Variants in NPHP3 observed in about 807,000 individuals in gnomAD.
NPHP3 encodes the protein nephrocystin 3, also known as nephrocystin-3.
A neutral mutation model predicts 171.9 loss-of-function variants in NPHP3; 123 were observed. The ratio of observed to expected loss-of-function variants is 0.72; its 90% CI spans 0.62 to 0.83. The LOEUF (loss-of-function observed/expected upper bound fraction) is 0.83, where lower values mean the gene tolerates loss of function less well. Among genes scored for constraint, NPHP3 ranks in the 40% least tolerant of loss-of-function variants. NPHP3 has a pLI of 0.00. For missense variants in NPHP3, 1,506 were observed against 1,591.9 expected (o/e 0.95, Z 0.92); for synonymous variants, 558 against 579.2 (o/e 0.96, Z 0.52).
rs1940244836 is a variant in NPHP3 at position 132,722,068 on chromosome 3, C to T, written c.288G>A (p.Lys96=). ...TGCTGACGCGAAAGATCTCGTACTC[C>T]TTCCTGAGCCGCTCGTACTCGGCCG... ...YAAAEYERLR[K]EYEIFRVSKN... Residue 96 remains lysine (K), a synonymous_variant, in exon 1 of 27, where the codon AAG becomes AAA. Coordinates refer to ENST00000337331, the MANE Select transcript of NPHP3 (RefSeq NM_153240.5). 6.2e-7 allele frequency: 1 copy of T among 1,612,364 alleles called. No individual in the cohort carries two copies. Among genetic ancestry groups the T allele is most frequent in the Non-Finnish European group, 8.5e-7 (1 of 1,179,894 alleles).
At chr3:132,698,561 G>A (rs1385763662) in intron 13 of NPHP3, among the ~76,000 whole-genome samples, 5 of 151,970 alleles carry the variant, frequency 3.3e-5, no homozygotes, top group African/African-American at 1.2e-4. Flanking sequence ...ACAGATGTGA[G>A]CTACCATGCC....
At chr3:132,719,661 T>C (rs1158819578) in intron 2 of NPHP3, 44 bp downstream of exon 2, 1 of 1,322,000 alleles carries the variant, frequency 7.6e-7, no homozygotes, top group East Asian at 2.4e-5. Flanking sequence ...GAATATACTA[T>C]TTTATTCTAT....
At chr3:132,719,179 T>C (rs1449903461) in intron 2 of NPHP3, 35 bp from the exon 3 acceptor site, 1 of 1,524,170 alleles carries the variant, frequency 6.6e-7, no homozygotes, top group Admixed American at 2.0e-5. Context: ...TGAAAGCTTT[T>C]TCATAATCAA....
chr3:132,708,298 T>C (rs373982997), intron 6 of NPHP3, 41 bp from the exon 7 acceptor site: 4 of 1,596,862 alleles, frequency 2.5e-6, no homozygotes, highest in African/African-American at 2.7e-5. Context: ...TACTGCATTG[T>C]GGCAGCAAGC....
intron 13 of NPHP3, 100 bp downstream of exon 13, chr3:132,699,253 C>A: frequency 1.3e-6 from 1 of 794,462 alleles, no homozygotes; most frequent in Non-Finnish European, 2.1e-6. Context: ...CTGCAAGTTA[C>A]ATAAAAAATG....
At chr3:132,710,135 A>G (rs565950942) in intron 6 of NPHP3, among the ~76,000 whole-genome samples, 114 of 152,320 alleles carry the variant, frequency 7.5e-4, no homozygotes, top group African/African-American at 2.7e-3. Context: ...AGGCCAGCTA[A>G]TATGTTGATA....
chr3:132,686,278 T>C lies in NPHP3; in HGVS notation c.3311A>G (p.Tyr1104Cys), dbSNP rs571618016. 2.0e-5 allele frequency: 32 copies of C among 1,613,866 alleles called. No homozygotes were observed. In the East Asian group the frequency reaches 4.0e-4, roughly 20 times the overall value. The stretch of plus-strand genomic sequence containing the variant: ...TACTCACTCCAGGTTATTTTGAAGA[T>C]AGTAGAGAACACCCAGTTCATTGAG... ...RTLNELGVLYYLQNNLETADQ... is the reference protein window; with the variant it reads ...RTLNELGVLYCLQNNLETADQ... The change falls in exon 23 of 27, where the codon TAT becomes TGT. Residue 1104 changes from tyrosine to cysteine, a missense_variant. Tyr to Cys is a radical substitution (Grantham distance 194, BLOSUM62 -2). Transcript: ENST00000337331.
chr3:132,720,659 A>AAACAACAAC (rs564919142), intron 1 of NPHP3, among the ~76,000 whole-genome samples: 1 of 151,850 alleles, frequency 6.6e-6, no homozygotes, highest in African/African-American at 2.4e-5. Flanking sequence ...TTAAAAACAA[A>AAACAACAAC]AACAACAACA....
At chr3:132,707,759 C>A (rs1262871294) in intron 7 of NPHP3, among the ~76,000 whole-genome samples, 1 of 152,128 alleles carries the variant, frequency 6.6e-6, no homozygotes, top group Non-Finnish European at 1.5e-5. Flanking sequence ...ATGGCAATGG[C>A]TCTCAGACTC....
rs1939546694 is a variant in NPHP3, at chr3:132,699,438, G to A, written c.1900C>T (p.His634Tyr). 2 of 1,608,662 alleles carry A rather than the reference G, an allele frequency of 1.2e-6. No homozygotes were observed. Among genetic ancestry groups the A allele is most frequent in the Non-Finnish European group, 1.7e-6 (2 of 1,178,164 alleles). ...SIDQVQQVEKHMKWLIDPLPV... is the reference protein window; with the variant it reads ...SIDQVQQVEKYMKWLIDPLPV... ...AGTGGATCTATCAGCCATTTCATGTGTTTTTCAACTTGCTTAAAAATATAA... is the reference window on the plus strand; with the variant it reads ...AGTGGATCTATCAGCCATTTCATGTATTTTTCAACTTGCTTAAAAATATAA... Residue 634 changes from histidine (H) to tyrosine (Y), a missense_variant, in exon 13 of 27, where the codon CAC (histidine) becomes TAC (tyrosine). By Grantham distance (83) the His-to-Tyr change is moderately conservative. Around this residue, in one of 3 missense-constraint regions of NPHP3, gnomAD observed 930 missense variants for 924.9 expected, o/e 1.01. Coordinates refer to ENST00000337331, the MANE Select transcript of NPHP3 (RefSeq NM_153240.5).
At position 132,721,976 on chromosome 3, in the gene NPHP3, C is replaced by A; in HGVS notation, c.380G>T (p.Arg127Leu). The A allele has an allele frequency of 1.2e-6, 2 of 1,612,874 alleles. No homozygotes were observed. The highest frequency in any genetic ancestry group is 1.7e-6 in the Non-Finnish European group (2 of 1,179,880). Reference protein sequence around the residue: ...AKLDTENKRLRAELQALQKTY... With the variant: ...AKLDTENKRLLAELQALQKTY... The stretch of plus-strand genomic sequence containing the variant: ...GCCCGGCGTTACCTGCAGTTCGGCC[C>A]GCAGCCGCTTGTTCTCCGTGTCCAG... Residue 127 changes from arginine (R) to leucine (L), a missense_variant, in exon 1 of 27, where the codon CGG (arginine) becomes CTG (leucine). Physicochemically the swap from Arg to Leu is moderately radical, Grantham distance 102. Around this residue, in one of 3 missense-constraint regions of NPHP3, gnomAD observed 930 missense variants for 924.9 expected, o/e 1.01. Coordinates refer to ENST00000337331, the MANE Select transcript of NPHP3 (RefSeq NM_153240.5).
Position 132,715,185 on chromosome 3 carries a change from T to A in NPHP3, c.857A>T (p.Gln286Leu). 1 of 1,611,150 alleles carries A rather than the reference T, an allele frequency of 6.2e-7. No individual in the cohort carries two copies. The highest frequency in any genetic ancestry group is 8.5e-7 in the Non-Finnish European group (1 of 1,177,442). The stretch of plus-strand genomic sequence containing the variant: ...AGAATGTGAAAACAGAGGAGTAACT[T>A]GTAATAAACTAGCTACAGCAATATC... ...DWDIAVASLL[Q>L]VTPLFSHSLW... Residue 286 changes from glutamine to leucine, a missense_variant, in exon 5 of 27, where the codon CAA becomes CTA. Physicochemically the swap from Gln to Leu is moderately radical, Grantham distance 113 (BLOSUM62 -2). Transcript: ENST00000337331.
At position 132,705,819 on chromosome 3, in the gene NPHP3, A is replaced by G; in HGVS notation, c.1276-5T>C. 1.4e-6 allele frequency: 2 copies of G among 1,450,830 alleles called. No individual in the cohort carries two copies. Among genetic ancestry groups the G allele is most frequent in the Non-Finnish European group, 1.9e-6 (2 of 1,034,084 alleles). The allele number at this position is 1,450,830 out of a possible 1,614,324, so 89.9% of individuals were successfully genotyped here. A position where few individuals can be genotyped will look rare whatever the true frequency, so the allele number is the denominator to read the frequency against. On this transcript the variant is annotated splice_region_variant and splice_polypyrimidine_tract_variant and intron_variant, in intron 7 of 26. Coordinates refer to ENST00000337331, the MANE Select transcript of NPHP3 (RefSeq NM_153240.5). ...ATCTCCTGAGTGATCAATGATCTAG[A>G]TAAAAATCATTTAAGAACAATGAGA...
intron 6 of NPHP3, among the ~76,000 whole-genome samples, chr3:132,710,078 AAAC>A (rs1392357266): frequency 1.3e-5 from 2 of 152,212 alleles, no homozygotes; most frequent in African/African-American, 4.8e-5. Flanking sequence ...GCTACAGATG[AAAC>A]AACGAGTCAT....
rs573482579 is a variant in NPHP3 at position 132,713,787 on chromosome 3, C to T, written c.958-501G>A. The stretch of plus-strand genomic sequence containing the variant: ...TTATGAAAGAAATCAGTAATGCCCT[C>T]AAAATGTCGTTGGGAATAACATTTT... On this transcript the variant is annotated intron_variant, in intron 5 of 26. Coordinates refer to ENST00000337331, the MANE Select transcript of NPHP3 (RefSeq NM_153240.5). 2.2e-4 allele frequency among the ~76,000 whole-genome samples: 33 copies of T among 152,294 alleles called. 1 individual carries two copies. The South Asian group carries it at 2.7e-3, about 12-fold the overall frequency.
chr3:132,712,005 A>T (rs950071750), intron 6 of NPHP3, among the ~76,000 whole-genome samples: 3 of 152,258 alleles, frequency 2.0e-5, no homozygotes, highest in African/African-American at 7.2e-5. Context: ...GTCCACAATT[A>T]AAAAAGCAAA....
Position 132,715,723 on chromosome 3 carries a change from T to C in NPHP3, c.824-505A>G, listed in dbSNP as rs556713593. 2.6e-5 allele frequency among the ~76,000 whole-genome samples: 4 copies of C among 152,342 alleles called. No individual in the cohort carries two copies. The South Asian group carries it at 8.3e-4, about 32-fold the overall frequency. ...CATTTTGCTGATAGAGAAATAATTG[T>C]AGGGTTTTAAGGAAAAAGAGTAGAA... is the stretch of plus-strand genomic sequence containing the variant. On this transcript the variant is annotated intron_variant, in intron 4 of 26. Coordinates refer to ENST00000337331, the MANE Select transcript of NPHP3 (RefSeq NM_153240.5).
At chr3:132,710,725 T>C (rs73001970) in intron 6 of NPHP3, among the ~76,000 whole-genome samples, 3,250 of 152,284 alleles carry the variant, frequency 0.021, 125 homozygotes, top group African/African-American at 0.074. Flanking sequence ...CCCGGGATTT[T>C]TCTCCTTCCA....
intron 7 of NPHP3, 104 bp from the exon 8 acceptor site, chr3:132,705,918 T>C (rs886432880): frequency 1.5e-6 from 1 of 664,950 alleles, no homozygotes. Flanking sequence ...ATTCTAAATA[T>C]TTAACACATA....
Sources: gnomAD v4.1 joint callset for allele counts (sites outside exome capture counted in the v4.1 genomes callset) on GRCh38, gnomAD v4.1.1 for gene constraint, gnomAD v4.1.1 regional missense constraint, MANE v1.5 for transcripts, NCBI Gene and HGNC (gene_info 2026-07-23, HGNC 2026-07-21) for gene names.